Variants in CUL9 observed in about 807,000 individuals in gnomAD.
CUL9 encodes the protein cullin-9.
CUL9 carries 79 observed loss-of-function variants against 272.6 expected under a neutral mutation model. That is an observed-to-expected ratio of 0.29 (90% CI 0.24 to 0.35). CUL9 has a LOEUF of 0.35. Ranked by LOEUF, CUL9 falls within the 10% of genes least tolerant of loss-of-function variation. CUL9 has a pLI of 1.00. For missense variants in CUL9, 2,532 were observed against 3,255.6 expected, an observed-to-expected ratio of 0.78 and a Z score of 5.41; for synonymous variants, 1,186 against 1,286.5, an observed-to-expected ratio of 0.92 and a Z score of 1.67.
chr6:43,211,767 C>G (rs1775522112), intron 26 of CUL9, among the ~76,000 whole-genome samples: 1 of 151,864 alleles, frequency 6.6e-6, no homozygotes, highest in South Asian at 2.1e-4. Context: ...CATCTATTCC[C>G]CACCCCCAAA....
Position 43,195,049 on chromosome 6 carries a change from C to T in CUL9, c.2389-1020C>T, listed in dbSNP as rs183991759. Among the ~76,000 whole-genome samples, 667 of 152,238 alleles carry T rather than the reference C, an allele frequency of 4.4e-3. 2 individuals are homozygous for T. Among genetic ancestry groups the T allele is most frequent in the Middle Eastern group, 0.014 (4 of 294 alleles). On this transcript the variant is annotated intron_variant, in intron 9 of 40. Transcript: ENST00000252050. ...CAGCCTGGGCGACAGAGTGAGACTT[C>T]ATCTCAAAAAAATCTTGCCCTGAAA...
chr6:43,217,415 G>T (rs1306513314), intron 31 of CUL9, among the ~76,000 whole-genome samples: 1 of 152,132 alleles, frequency 6.6e-6, no homozygotes, highest in Non-Finnish European at 1.5e-5. Context: ...CTTGCATTTG[G>T]GGAGTGAGTC....
At chr6:43,216,127 T>C (rs1300608251) in intron 30 of CUL9, 31 bp from the exon 31 acceptor site, 6 of 1,578,548 alleles carry the variant, frequency 3.8e-6, no homozygotes, top group Non-Finnish European at 4.3e-6. Flanking sequence ...AGGGCAGGAA[T>C]ACTGACTTCT....
intron 36 of CUL9, 33 bp from the exon 37 acceptor site, chr6:43,222,498 T>C: frequency 5.6e-6 from 9 of 1,611,296 alleles, no homozygotes; most frequent in Non-Finnish European, 7.6e-6. Flanking sequence ...CTGCGCCACC[T>C]GTGCTGGTAC....
At position 43,193,016 on chromosome 6, in the gene CUL9, G is replaced by A. The variant is rs748650199; in HGVS notation, c.2196G>A (p.Lys732=). The A allele has an allele frequency of 9.3e-6, 15 of 1,613,984 alleles. 1 individual carries two copies. In the South Asian group the frequency reaches 1.4e-4, roughly 15 times the overall value. ...CTCTTGTCAGAGAGAAGCTAGTGAA[G>A]ATGCTGGTGGAGCTGCTGACCAACC... ...PDRSLREKLV[K]MLVELLTNQV... The change falls in exon 9 of 41, where the codon AAG becomes AAA. Residue 732 remains lysine (K), a synonymous_variant. Transcript: ENST00000252050.
At chr6:43,209,734 C>T (rs889656788) in intron 26 of CUL9, among the ~76,000 whole-genome samples, 2 of 152,008 alleles carry the variant, frequency 1.3e-5, no homozygotes, top group African/African-American at 4.8e-5. Context: ...CAACCTCTGC[C>T]TCCTGGGTTC....
chr6:43,210,397 A>G (rs1220242703), intron 26 of CUL9, among the ~76,000 whole-genome samples: 2 of 152,082 alleles, frequency 1.3e-5, no homozygotes, highest in Non-Finnish European at 2.9e-5. Flanking sequence ...CCAAGGCTTT[A>G]CACCCTGGAG....
chr6:43,187,299 C>G lies in CUL9; in HGVS notation c.1441C>G (p.Leu481Val). 6.2e-7 allele frequency: 1 copy of G among 1,614,100 alleles called. No homozygotes were observed. The highest frequency in any genetic ancestry group is 8.5e-7 in the Non-Finnish European group (1 of 1,180,000). The change falls in exon 6 of 41, where the codon CTC becomes GTC. Residue 481 changes from leucine (L) to valine (V), a missense_variant. By Grantham distance (32) the Leu-to-Val change is conservative. Around this residue, in one of 3 missense-constraint regions of CUL9, gnomAD observed 2,218 missense variants for 2,788.6 expected, o/e 0.80. Transcript: ENST00000252050. ...PMDGLYPLPY[L>V]QPEPQKNERV... ...GGATGGGCTGTACCCTTTGCCGTAC[C>G]TCCAGCCCGAACCTCAGAAGAATGA...
chr6:43,203,233 G>A lies in CUL9; in HGVS notation c.3849+29G>A. 6.2e-7 allele frequency: 1 copy of A among 1,609,132 alleles called. No individual in the cohort carries two copies. The highest frequency in any genetic ancestry group is 1.7e-5 in the Admixed American group (1 of 60,004). ...GTGTTAGGGTGTCAGCCAGGGCTGA[G>A]GAGGAGGAGGTGGCACACAAGTTTC... On this transcript the variant is annotated intron_variant, in intron 18 of 40. Coordinates refer to ENST00000252050, the MANE Select transcript of CUL9 (RefSeq NM_015089.4). The surrounding 1 kb of genome is among the most constrained non-coding windows in gnomAD (Gnocchi z 5.0).
At chr6:43,204,090 C>A in intron 20 of CUL9, 103 bp downstream of exon 20, 1 of 1,407,380 alleles carries the variant, frequency 7.1e-7, no homozygotes. Flanking sequence ...GTCTTTATCC[C>A]TGAAGGCCTG....
intron 26 of CUL9, among the ~76,000 whole-genome samples, chr6:43,211,553 A>G (rs1482425773): frequency 1.3e-5 from 2 of 152,168 alleles, no homozygotes; most frequent in Non-Finnish European, 2.9e-5. Flanking sequence ...GTGAGACTCC[A>G]TCTCAAAAAC....
chr6:43,201,035 C>T (rs140533126), intron 16 of CUL9, among the ~76,000 whole-genome samples: 141 of 152,326 alleles, frequency 9.3e-4, no homozygotes, highest in African/African-American at 3.2e-3. Context: ...GATCTGTACT[C>T]CAACAGGTAC....
Position 43,183,709 on chromosome 6 carries a change from C to T in CUL9, c.-9-593C>T, listed in dbSNP as rs78432640. Reference sequence around the variant, plus strand: ...GTAAACTCCCCTTCCTTCCTTTCTTCCTTCCTTCCTTCCTTCCTTCCTTCC... The same window carrying T: ...GTAAACTCCCCTTCCTTCCTTTCTTTCTTCCTTCCTTCCTTCCTTCCTTCC... On this transcript the variant is annotated intron_variant, in intron 1 of 40. Coordinates refer to ENST00000252050, the MANE Select transcript of CUL9 (RefSeq NM_015089.4). Among the ~76,000 whole-genome samples the T allele has an allele frequency of 1.4e-3, 172 of 122,242 alleles. 1 individual carries two copies. The highest frequency in any genetic ancestry group is 4.8e-3 in the African/African-American group (140 of 29,282). The allele number at this position is 122,242 out of a possible 152,430, so 80.2% of individuals were successfully genotyped here.
chr6:43,205,284 T>G lies in CUL9; in HGVS notation c.4654T>G (p.Tyr1552Asp). The change falls in exon 24 of 41, where the codon TAC (tyrosine) becomes GAC (aspartate). Residue 1552 changes from tyrosine to aspartate, a missense_variant. Coordinates refer to ENST00000252050, the MANE Select transcript of CUL9 (RefSeq NM_015089.4). ...AAHMSEQFARYIDQQIQGGLI... is the reference protein window; with the variant it reads ...AAHMSEQFARDIDQQIQGGLI... ...CCAGATGAGTGAGCAGTTTGCCAGG[T>G]ACATTGACCAACAGATCCAGGGTGG... 2 of 1,614,086 alleles carry G rather than the reference T, an allele frequency of 1.2e-6. No homozygotes were observed. Among genetic ancestry groups the G allele is most frequent in the Non-Finnish European group, 1.7e-6 (2 of 1,179,940 alleles).
intron 8 of CUL9, among the ~76,000 whole-genome samples, chr6:43,189,606 T>A (rs1030734721): frequency 9.2e-5 from 14 of 151,612 alleles, no homozygotes; most frequent in Admixed American, 5.3e-4. Flanking sequence ...TGCAATAGTG[T>A]GATCTTGGCT....
In CUL9 at chr6:43,221,581, G is replaced by A. The variant is rs1376447642; in HGVS notation, c.6753-104G>A. ...ATGACTAAGGAGACTATCAGGGCAG[G>A]AGCAGAGGCCACAGCATCAACAGCG... is the stretch of plus-strand genomic sequence containing the variant. On this transcript the variant is annotated intron_variant, in intron 34 of 40. Transcript: ENST00000252050. This position sits in a 1 kb window ranked among gnomAD's most constrained non-coding sequence, Gnocchi z 4.2. 9 of 1,096,558 alleles carry A rather than the reference G, an allele frequency of 8.2e-6. No homozygotes were observed. Among genetic ancestry groups the A allele is most frequent in the East Asian group, 2.5e-5 (1 of 40,666 alleles). The allele number at this position is 1,096,558 out of a possible 1,614,324, so 67.9% of individuals were successfully genotyped here. A position where few individuals can be genotyped will look rare whatever the true frequency, so the allele number is the denominator to read the frequency against.
At position 43,223,257 on chromosome 6, in the gene CUL9, T is replaced by C; in HGVS notation, c.7151-7T>C. 6.3e-7 allele frequency: 1 copy of C among 1,593,380 alleles called. No individual in the cohort carries two copies. The highest frequency in any genetic ancestry group is 2.3e-5 in the East Asian group (1 of 44,138). On this transcript the variant is annotated splice_region_variant and splice_polypyrimidine_tract_variant and intron_variant, in intron 38 of 40. Coordinates refer to ENST00000252050, the MANE Select transcript of CUL9 (RefSeq NM_015089.4). This position sits in a 1 kb window ranked among gnomAD's most constrained non-coding sequence, Gnocchi z 4.1. Reference sequence around the variant, plus strand: ...GGAGGGAGCCTCTGTGCCTGCCCCCTCTGCAGAGGAAACCCTGCTGCGGTG... The same window carrying C: ...GGAGGGAGCCTCTGTGCCTGCCCCCCCTGCAGAGGAAACCCTGCTGCGGTG...
At chr6:43,211,877 T>C (rs909857496) in intron 26 of CUL9, among the ~76,000 whole-genome samples, 3 of 152,234 alleles carry the variant, frequency 2.0e-5, no homozygotes, top group African/African-American at 7.2e-5. Context: ...CAGTCATTGC[T>C]CATATTTCCC....
intron 7 of CUL9, 138 bp downstream of exon 7, chr6:43,188,256 ATCT>A (rs747197834): frequency 7.0e-6 from 7 of 1,005,372 alleles, no homozygotes; most frequent in Non-Finnish European, 1.0e-5. Context: ...CCATGCGTCC[ATCT>A]TCTTCCTTTT....
Sources: allele counts gnomAD v4.1 joint callset (sites outside exome capture counted in the v4.1 genomes callset), GRCh38; gene constraint gnomAD v4.1.1; regional missense constraint gnomAD v4.1.1; non-coding constraint Gnocchi (gnomAD v3.1); transcripts MANE v1.5; gene names NCBI Gene and HGNC (gene_info 2026-07-23, HGNC 2026-07-21).